Variants in ST18 observed in about 807,000 individuals in gnomAD.
ST18 encodes suppression of tumorigenicity 18 protein.
A neutral mutation model predicts 110.0 loss-of-function variants in ST18; 50 were observed. The ratio of observed to expected loss-of-function variants is 0.45; its 90% CI spans 0.36 to 0.58. The LOEUF is 0.58. Ranked by LOEUF, ST18 falls within the 20% of genes least tolerant of loss-of-function variation. The pLI, the probability that ST18 is intolerant of heterozygous loss-of-function variation, is 0.00. For synonymous variants in ST18, 461 were observed against 452.4 expected (o/e 1.02, Z -0.24); for missense variants, 1,306 against 1,280.1 (o/e 1.02, Z -0.31).
chr8:52,156,849 G>C (rs2060154927), intron 15 of ST18, among the ~76,000 whole-genome samples: 1 of 152,168 alleles, frequency 6.6e-6, no homozygotes, highest in East Asian at 1.9e-4. Flanking sequence ...CTATGCAAAG[G>C]AGACAATTTT....
chr8:52,264,082 A>G (rs538861155), intron 2 of ST18, among the ~76,000 whole-genome samples: 1 of 152,158 alleles, frequency 6.6e-6, no homozygotes, highest in Non-Finnish European at 1.5e-5. Context: ...TACAGGCGTG[A>G]GCCACCACGC....
intron 2 of ST18, among the ~76,000 whole-genome samples, chr8:52,387,813 G>T (rs1837452448): frequency 6.6e-6 from 1 of 152,076 alleles, no homozygotes; most frequent in African/African-American, 2.4e-5. Flanking sequence ...TAAAAGAAAA[G>T]AACTGGTTTG....
At chr8:52,344,521 C>T (rs1481980949) in intron 2 of ST18, among the ~76,000 whole-genome samples, 1 of 152,126 alleles carries the variant, frequency 6.6e-6, no homozygotes, top group African/African-American at 2.4e-5. Context: ...CTGCCTCAGC[C>T]TCCCAAGTAG....
chr8:52,274,121 A>G (rs1452670828), intron 2 of ST18, among the ~76,000 whole-genome samples: 1 of 152,188 alleles, frequency 6.6e-6, no homozygotes, highest in Non-Finnish European at 1.5e-5. Flanking sequence ...AAGCTAAAGA[A>G]GAACAGGCCA....
intron 2 of ST18, among the ~76,000 whole-genome samples, chr8:52,322,793 C>A (rs941943007): frequency 6.6e-6 from 1 of 152,150 alleles, no homozygotes; most frequent in Non-Finnish European, 1.5e-5. Flanking sequence ...AAACAATATC[C>A]AAAGTGAAGT....
chr8:52,195,236 T>C (rs1164445616), intron 8 of ST18, among the ~76,000 whole-genome samples: 2 of 152,162 alleles, frequency 1.3e-5, no homozygotes, highest in Admixed American at 1.3e-4. Flanking sequence ...TACTAAGAGA[T>C]GAACATTATG....
Position 52,149,845 on chromosome 8 carries a change from T to A in ST18, c.1939A>T (p.Thr647Ser). ...IPTPSSSPFK[T>S]SSILVNAAFY... is the part of the protein sequence containing the mutation. The stretch of plus-strand genomic sequence containing the variant: ...GCTGCATTGACCAGAATGCTGCTTG[T>A]TTTGAATGGGGAAGAGGAAGGAGTT... The change falls in exon 16 of 26, where the codon ACA (threonine) becomes TCA (serine). Residue 647 changes from threonine to serine, a missense_variant. Coordinates refer to ENST00000689386, the MANE Select transcript of ST18 (RefSeq NM_001352837.2). 1.2e-6 allele frequency: 2 copies of A among 1,614,154 alleles called. No homozygotes were observed. The highest frequency in any genetic ancestry group is 2.7e-5 in the African/African-American group (2 of 75,044).
chr8:52,212,031 A>G (rs759278227), intron 8 of ST18, 48 bp downstream of exon 8: 6 of 1,568,732 alleles, frequency 3.8e-6, no homozygotes, highest in Non-Finnish European at 5.2e-6. Flanking sequence ...CATTCGAATA[A>G]TCAAGGCCCA....
intron 9 of ST18, among the ~76,000 whole-genome samples, chr8:52,174,618 C>A (rs2066193565): frequency 6.6e-6 from 1 of 152,264 alleles, no homozygotes; most frequent in Non-Finnish European, 1.5e-5. Flanking sequence ...CACATGTGCA[C>A]GACAATGCAT....
At chr8:52,127,386 T>TGTCACACTGAAGCTG (rs2047493534) in intron 22 of ST18, among the ~76,000 whole-genome samples, 1 of 152,212 alleles carries the variant, frequency 6.6e-6, no homozygotes, top group Admixed American at 6.5e-5. Flanking sequence ...TTTCAGAAGC[T>TGTCACACTGAAGCTG]TCTCACTGTC....
chr8:52,156,591 G>T (rs1049188219), intron 15 of ST18, among the ~76,000 whole-genome samples: 2 of 152,172 alleles, frequency 1.3e-5, no homozygotes, highest in Non-Finnish European at 2.9e-5. Context: ...CTCAGTTTCA[G>T]GGTGAATTAC....
chr8:52,352,015 G>A (rs1258828570), intron 2 of ST18, among the ~76,000 whole-genome samples: 2 of 152,122 alleles, frequency 1.3e-5, no homozygotes, highest in Non-Finnish European at 2.9e-5. Flanking sequence ...AGAAAACAAT[G>A]TACATGTGGC....
intron 2 of ST18, among the ~76,000 whole-genome samples, chr8:52,366,380 C>T (rs1309976206): frequency 1.3e-5 from 2 of 152,190 alleles, no homozygotes. Flanking sequence ...CTCAGAACAA[C>T]ACCTACAGGC....
chr8:52,344,405 CTTT>C (rs11297921), intron 2 of ST18, among the ~76,000 whole-genome samples: 1 of 146,492 alleles, frequency 6.8e-6, no homozygotes, highest in Non-Finnish European at 1.5e-5. Flanking sequence ...CAATAATAGC[CTTT>C]TTTTTTTTTG....
At chr8:52,244,496 G>T (rs1192250538) in intron 2 of ST18, among the ~76,000 whole-genome samples, 1 of 151,924 alleles carries the variant, frequency 6.6e-6, no homozygotes, top group Non-Finnish European at 1.5e-5. Context: ...TAATCCCTAG[G>T]AAAAAAATTC....
intron 2 of ST18, among the ~76,000 whole-genome samples, chr8:52,316,219 T>C (rs1182104900): frequency 6.6e-6 from 1 of 152,222 alleles, no homozygotes; most frequent in Non-Finnish European, 1.5e-5. Context: ...GAGAATGTCA[T>C]AACATCATTG....
chr8:52,281,993 G>T (rs762015486), intron 2 of ST18, among the ~76,000 whole-genome samples: 3 of 152,074 alleles, frequency 2.0e-5, no homozygotes, highest in Admixed American at 6.5e-5. Context: ...CACCACTAAA[G>T]AACTTATTCA....
intron 20 of ST18, 30 bp downstream of exon 20, chr8:52,133,209 T>G (rs775215071): frequency 6.2e-7 from 1 of 1,614,068 alleles, no homozygotes; most frequent in Non-Finnish European, 8.5e-7. Context: ...CAAGCTCATT[T>G]CCACATCTCA....
At chr8:52,325,892 G>T (rs889232162) in intron 2 of ST18, among the ~76,000 whole-genome samples, 2 of 152,128 alleles carry the variant, frequency 1.3e-5, no homozygotes, top group African/African-American at 4.8e-5. Context: ...GTACCCATTT[G>T]TTGGAAGTCC....
Sources: gnomAD v4.1 joint callset for allele counts (sites outside exome capture counted in the v4.1 genomes callset) on GRCh38, gnomAD v4.1.1 for gene constraint, MANE v1.5 for transcripts, NCBI Gene and HGNC (gene_info 2026-07-23, HGNC 2026-07-21) for gene names.